Variants in MYOM1 observed in about 807,000 individuals in gnomAD.
MYOM1 encodes myomesin-1.
A neutral mutation model predicts 205.3 loss-of-function variants in MYOM1; 164 were observed. That is an observed-to-expected ratio of 0.80 (90% CI 0.70 to 0.91). The LOEUF (loss-of-function observed/expected upper bound fraction) is 0.91, where lower values mean the gene tolerates loss of function less well. Among genes scored for constraint, MYOM1 ranks in the 40% least tolerant of loss-of-function variants. MYOM1 has a pLI of 0.00. For synonymous variants in MYOM1, 772 were observed against 789.4 expected, an observed-to-expected ratio of 0.98 and a Z score of 0.37; for missense variants, 2,011 against 2,127.3, an observed-to-expected ratio of 0.95 and a Z score of 1.08.
chr18:3,192,405 C>A (rs968064846), intron 3 of MYOM1, among the ~76,000 whole-genome samples: 8 of 152,232 alleles, frequency 5.3e-5, no homozygotes, highest in African/African-American at 1.9e-4. Flanking sequence ...TGTTATTTAT[C>A]CCTTTACCTT....
Position 3,126,876 on chromosome 18 carries a change from T to C in MYOM1, c.2816A>G (p.Asp939Gly). ...ACGAAAACTTTCAAGACAGGTGATA[T>C]CACAGGGTGGAGATGGTGGTGCTGT... ...TDRAPPSPPCDITCLESFRDS... is the reference protein window; with the variant it reads ...TDRAPPSPPCGITCLESFRDS... The change falls in exon 19 of 38, where the codon GAT becomes GGT. Residue 939 changes from aspartate to glycine, a missense_variant. Physicochemically the swap from Asp to Gly is moderately conservative, Grantham distance 94. Coordinates refer to ENST00000356443, the MANE Select transcript of MYOM1 (RefSeq NM_003803.4). 6.2e-7 allele frequency: 1 copy of C among 1,611,432 alleles called. No homozygotes were observed. Among genetic ancestry groups the C allele is most frequent in the Middle Eastern group, 1.7e-4 (1 of 6,058 alleles).
chr18:3,181,133 G>A (rs1296944654), intron 5 of MYOM1, among the ~76,000 whole-genome samples: 5 of 152,118 alleles, frequency 3.3e-5, no homozygotes, highest in African/African-American at 1.2e-4. Context: ...CACCATGTTG[G>A]CCAGGCTGGT....
chr18:3,239,961 A>G, the MYOM1 span, among the ~76,000 whole-genome samples: 173 of 152,260 alleles, frequency 1.1e-3, 1 homozygote, highest in African/African-American at 4.0e-3. Flanking sequence ...TAAGAAATTT[A>G]CATGGATTAT....
Position 3,151,731 on chromosome 18 carries a change from CA to C in MYOM1, c.1805del (p.Val602GlyfsTer85). On this transcript the variant is annotated frameshift_variant, in exon 12 of 38. Coordinates refer to ENST00000356443, the MANE Select transcript of MYOM1 (RefSeq NM_003803.4). LOFTEE classifies it high-confidence loss of function. ...IGFPSRVSEPVAALDPAEKAR... is the reference protein window; with the variant it reads ...IGFPSRVSEPXAALDPAEKAR... ...CTTTCTCAGCCGGATCCAGAGCAGC[CA>C]CGGGCTCGGAAACTCGAGATGGGAA... is the stretch of plus-strand genomic sequence containing the variant. 1 of 1,613,722 alleles carries C rather than the reference CA, an allele frequency of 6.2e-7. No homozygotes were observed. The highest frequency in any genetic ancestry group is 8.5e-7 in the Non-Finnish European group (1 of 1,179,744).
intron 1 of MYOM1, among the ~76,000 whole-genome samples, chr18:3,218,798 T>A (rs2081298716): frequency 6.6e-6 from 1 of 152,226 alleles, no homozygotes; most frequent in African/African-American, 2.4e-5. Flanking sequence ...GAAATGCTGT[T>A]ATTTTCACAA....
At chr18:3,142,860 A>G (rs1460064632) in intron 13 of MYOM1, among the ~76,000 whole-genome samples, 2 of 152,170 alleles carry the variant, frequency 1.3e-5, no homozygotes, top group African/African-American at 4.8e-5. Context: ...AAAGTTTAGG[A>G]CAGTTTTAGT....
rs557618174 is a variant in MYOM1, at chr18:3,161,276, G to T, written c.1501+3002C>A. 1.1e-4 allele frequency among the ~76,000 whole-genome samples: 17 copies of T among 152,294 alleles called. No homozygotes were observed. In the South Asian group the frequency reaches 3.3e-3, roughly 30 times the overall value. On this transcript the variant is annotated intron_variant, in intron 10 of 37. Coordinates refer to ENST00000356443, the MANE Select transcript of MYOM1 (RefSeq NM_003803.4). ...ATTCAGGTATCTATACCAGTTGCCG[G>T]TCTGGGACAGAATTCAGTGGTCATT...
intron 36 of MYOM1, among the ~76,000 whole-genome samples, chr18:3,073,179 G>T (rs1215523780): frequency 6.6e-6 from 1 of 152,048 alleles, no homozygotes; most frequent in Non-Finnish European, 1.5e-5. Context: ...TCTTGGTAGT[G>T]CTGTGCAGGC....
Position 3,106,820 on chromosome 18 carries a change from C to T in MYOM1, c.3419-4190G>A, listed in dbSNP as rs959265396. Among the ~76,000 whole-genome samples, 9 of 151,994 alleles carry T rather than the reference C, an allele frequency of 5.9e-5. No individual in the cohort carries two copies. In the East Asian group the frequency reaches 9.7e-4, roughly 16 times the overall value. ...CCTGGGTGACAAAATCAGATCCTGT[C>T]GCAAAACAAAAACAAACAAACTTAA... is the stretch of plus-strand genomic sequence containing the variant. On this transcript the variant is annotated intron_variant, in intron 22 of 37. Coordinates refer to ENST00000356443, the MANE Select transcript of MYOM1 (RefSeq NM_003803.4).
chr18:3,106,832 A>G (rs2079458149), intron 22 of MYOM1, among the ~76,000 whole-genome samples: 1 of 152,202 alleles, frequency 6.6e-6, no homozygotes, highest in African/African-American at 2.4e-5. Flanking sequence ...CAAAACAAAA[A>G]CAAACAAACT....
intron 31 of MYOM1, among the ~76,000 whole-genome samples, chr18:3,084,385 G>A (rs750211889): frequency 4.0e-5 from 6 of 150,624 alleles, no homozygotes; most frequent in Non-Finnish European, 7.4e-5. Context: ...TTTCTTAGCC[G>A]TGTCATCGAT....
chr18:3,178,016 C>T (rs1039210017), intron 5 of MYOM1, among the ~76,000 whole-genome samples: 6 of 152,098 alleles, frequency 3.9e-5, no homozygotes, highest in African/African-American at 1.4e-4. Context: ...CTGTACGTGG[C>T]GCCTGGATTC....
rs138916150 is a variant in MYOM1 at position 3,126,693 on chromosome 18, G to T, written c.2991+8C>A. 3.0e-4 allele frequency: 488 copies of T among 1,608,894 alleles called. No individual in the cohort carries two copies. The East Asian group carries it at 6.8e-3, about 23-fold the overall frequency. On this transcript the variant is annotated splice_region_variant and intron_variant, in intron 19 of 37. Coordinates refer to ENST00000356443, the MANE Select transcript of MYOM1 (RefSeq NM_003803.4). ...GACACGCCACACTACAGAAAGTCAC[G>T]TGCTTACCTTGTATGCCTCCTCACT...
intron 1 of MYOM1, among the ~76,000 whole-genome samples, chr18:3,217,770 C>T (rs988040713): frequency 6.6e-5 from 10 of 152,012 alleles, no homozygotes; most frequent in African/African-American, 2.2e-4. Flanking sequence ...ATTTCCTGAG[C>T]CCAGGAGTTT....
intron 10 of MYOM1, among the ~76,000 whole-genome samples, chr18:3,163,062 T>C (rs34786682): frequency 6.6e-6 from 1 of 150,948 alleles, no homozygotes; most frequent in Admixed American, 6.6e-5. Context: ...CACACACCAC[T>C]GAAAAAAAGA....
At chr18:3,147,911 G>A (rs897892197) in intron 13 of MYOM1, among the ~76,000 whole-genome samples, 5 of 151,986 alleles carry the variant, frequency 3.3e-5, no homozygotes, top group African/African-American at 9.7e-5. Context: ...TTTCCAGGGG[G>A]AAAAAAACAG....
At chr18:3,176,944 T>C (rs1374121745) in intron 5 of MYOM1, among the ~76,000 whole-genome samples, 1 of 151,664 alleles carries the variant, frequency 6.6e-6, no homozygotes, top group Non-Finnish European at 1.5e-5. Flanking sequence ...TATTATAATT[T>C]AAAAGGTTTT....
upstream of MYOM1, among the ~76,000 whole-genome samples, chr18:3,223,683 A>C (rs2081340961): frequency 6.6e-6 from 1 of 152,232 alleles, no homozygotes; most frequent in African/African-American, 2.4e-5. Flanking sequence ...GCAGATTAGC[A>C]ACATTCTGTG....
chr18:3,097,408 T>C (rs1238421394), intron 25 of MYOM1, among the ~76,000 whole-genome samples: 1 of 151,896 alleles, frequency 6.6e-6, no homozygotes, highest in East Asian at 1.9e-4. Flanking sequence ...CATGTCAGAG[T>C]TTGTTATTTT....
Sources: allele counts gnomAD v4.1 joint callset (sites outside exome capture counted in the v4.1 genomes callset), GRCh38; gene constraint gnomAD v4.1.1; transcripts MANE v1.5; gene names NCBI Gene and HGNC (gene_info 2026-07-23, HGNC 2026-07-21).